Variants in GABRB1 observed in about 807,000 individuals in gnomAD.
GABRB1 encodes gamma-aminobutyric acid receptor subunit beta-1.
Under a neutral mutation model 51.6 loss-of-function variants are expected in GABRB1, and 17 were observed. That is an observed-to-expected ratio of 0.33 (90% CI 0.23 to 0.49). GABRB1 has a LOEUF of 0.49. Among genes scored for constraint, GABRB1 ranks in the 20% least tolerant of loss-of-function variants. The pLI is 0.99. For missense variants in GABRB1, 410 were observed against 600.6 expected, an observed-to-expected ratio of 0.68 and a Z score of 3.32; for synonymous variants, 247 against 218.9, an observed-to-expected ratio of 1.13 and a Z score of -1.14.
intron 4 of GABRB1, among the ~76,000 whole-genome samples, chr4:47,240,580 A>G (rs1721483683): frequency 6.6e-6 from 1 of 152,232 alleles, no homozygotes; most frequent in African/African-American, 2.4e-5. Flanking sequence ...TTAATACACG[A>G]AGATATTTCT....
In GABRB1 at chr4:47,141,678, C is replaced by T. The variant is rs1374306879; in HGVS notation, c.241-19571C>T. ...AACATTTCTCAGAAACACTTGATATCTTTATTAATTACATTTAAGCTAGCA... is the reference window on the plus strand; with the variant it reads ...AACATTTCTCAGAAACACTTGATATTTTTATTAATTACATTTAAGCTAGCA... On this transcript the variant is annotated intron_variant, in intron 3 of 8. Transcript: ENST00000295454. Among the ~76,000 whole-genome samples, 9 of 151,964 alleles carry T rather than the reference C, an allele frequency of 5.9e-5. No homozygotes were observed. In the East Asian group the frequency reaches 1.7e-3, roughly 29 times the overall value.
At chr4:47,328,727 T>A (rs887852067) in intron 5 of GABRB1, among the ~76,000 whole-genome samples, 2 of 149,538 alleles carry the variant, frequency 1.3e-5, no homozygotes, top group African/African-American at 4.9e-5. Context: ...TGAGAACACA[T>A]GGACACAGGA....
intron 4 of GABRB1, among the ~76,000 whole-genome samples, chr4:47,263,291 T>C (rs534833515): frequency 6.6e-6 from 1 of 152,190 alleles, no homozygotes; most frequent in Admixed American, 6.6e-5. Context: ...GCATGAAATA[T>C]AGATAGATTT....
At chr4:47,398,032 G>A (rs1728238763) in intron 5 of GABRB1, among the ~76,000 whole-genome samples, 1 of 152,000 alleles carries the variant, frequency 6.6e-6, no homozygotes. Context: ...AATATGCTAT[G>A]CCTTTTATTT....
At chr4:47,174,267 T>C (rs1420455228) in intron 4 of GABRB1, among the ~76,000 whole-genome samples, 1 of 152,084 alleles carries the variant, frequency 6.6e-6, no homozygotes, top group Non-Finnish European at 1.5e-5. Context: ...GTGTTCTTCC[T>C]ATATTGCCCA....
intron 4 of GABRB1, among the ~76,000 whole-genome samples, chr4:47,190,794 G>A (rs1350759898): frequency 6.6e-6 from 1 of 152,082 alleles, no homozygotes; most frequent in Admixed American, 6.6e-5. Flanking sequence ...GTAGATTTGG[G>A]TGGGGCCTGA....
At chr4:47,060,097 C>A (rs1294417212) in intron 3 of GABRB1, among the ~76,000 whole-genome samples, 1 of 152,150 alleles carries the variant, frequency 6.6e-6, no homozygotes, top group Non-Finnish European at 1.5e-5. Context: ...GGGGCACACA[C>A]CTTAGGAAAT....
intron 5 of GABRB1, among the ~76,000 whole-genome samples, chr4:47,375,841 G>A (rs1727356506): frequency 6.6e-6 from 1 of 152,214 alleles, no homozygotes; most frequent in African/African-American, 2.4e-5. Flanking sequence ...ATGTGCAGAA[G>A]AAAGAATCAA....
intron 3 of GABRB1, among the ~76,000 whole-genome samples, chr4:47,138,191 T>TGCCCA (rs989197363): frequency 3.3e-5 from 5 of 152,180 alleles, no homozygotes; most frequent in Admixed American, 1.3e-4. Flanking sequence ...GTAGCAAATT[T>TGCCCA]GCCCATTTAG....
intron 3 of GABRB1, among the ~76,000 whole-genome samples, chr4:47,086,545 A>G (rs993236093): frequency 3.3e-5 from 5 of 152,246 alleles, no homozygotes; most frequent in Non-Finnish European, 5.9e-5. Context: ...ACTTCAATTA[A>G]TCTGAACTTA....
intron 5 of GABRB1, among the ~76,000 whole-genome samples, chr4:47,396,264 T>C (rs1166576886): frequency 6.6e-6 from 1 of 151,982 alleles, no homozygotes; most frequent in Non-Finnish European, 1.5e-5. Context: ...TATCAAACCA[T>C]CAGATCTCGT....
intron 5 of GABRB1, among the ~76,000 whole-genome samples, chr4:47,396,755 T>C (rs899401959): frequency 2.6e-5 from 4 of 152,144 alleles, no homozygotes; most frequent in African/African-American, 9.7e-5. Flanking sequence ...CAAACTGCAT[T>C]CCATTTGGGT....
intron 5 of GABRB1, among the ~76,000 whole-genome samples, chr4:47,354,260 G>A (rs1405920054): frequency 6.6e-6 from 1 of 152,158 alleles, no homozygotes; most frequent in Non-Finnish European, 1.5e-5. Context: ...TAATATTAAT[G>A]TGTAATAGAT....
At position 47,426,027 on chromosome 4, in the gene GABRB1, C is replaced by A; in HGVS notation, c.*9C>A. On this transcript the variant is annotated 3_prime_UTR_variant, in exon 9 of 9. Coordinates refer to ENST00000295454, the MANE Select transcript of GABRB1 (RefSeq NM_000812.4). The stretch of plus-strand genomic sequence containing the variant: ...TTTACTATGTACACTGAGGTCTGTT[C>A]TAATGGTTCCATTTAGACTACTTTC... 4.5e-6 allele frequency: 7 copies of A among 1,542,560 alleles called. No homozygotes were observed. Among genetic ancestry groups the A allele is most frequent in the Non-Finnish European group, 5.3e-6 (6 of 1,140,956 alleles).
At chr4:47,299,426 G>T (rs371952618) in intron 4 of GABRB1, among the ~76,000 whole-genome samples, 3 of 152,036 alleles carry the variant, frequency 2.0e-5, no homozygotes, top group African/African-American at 7.2e-5. Flanking sequence ...AAAAGTGGGC[G>T]AAGGACATGA....
At chr4:47,416,761 C>CT (rs1254482443) in intron 8 of GABRB1, among the ~76,000 whole-genome samples, 5 of 151,410 alleles carry the variant, frequency 3.3e-5, no homozygotes, top group East Asian at 1.9e-4. Context: ...CTGTTTTGCA[C>CT]TTTTTTTTTC....
At chr4:47,039,176 T>C (rs550776956) in intron 3 of GABRB1, among the ~76,000 whole-genome samples, 1 of 152,080 alleles carries the variant, frequency 6.6e-6, no homozygotes, top group East Asian at 1.9e-4. Context: ...TTATCTTTAG[T>C]GAGCCCAGTT....
rs186461742 is a variant in GABRB1, at chr4:47,372,722, C to T, written c.545-30596C>T. ...GTGATTATAATCCAGTGCCAGATGT[C>T]GATGCTTCCCCAGCTAACAGTCTGG... On this transcript the variant is annotated intron_variant, in intron 5 of 8. Transcript: ENST00000295454. Among the ~76,000 whole-genome samples the T allele has an allele frequency of 5.9e-5, 9 of 152,180 alleles. No individual in the cohort carries two copies. In the East Asian group the frequency reaches 1.5e-3, roughly 26 times the overall value.
intron 5 of GABRB1, among the ~76,000 whole-genome samples, chr4:47,350,930 A>G (rs1363205666): frequency 3.3e-5 from 5 of 152,224 alleles, no homozygotes; most frequent in Non-Finnish European, 5.9e-5. Context: ...AGAGGCTTTC[A>G]CAGATAATTT....
Sources: allele counts gnomAD v4.1 joint callset (sites outside exome capture counted in the v4.1 genomes callset), GRCh38; gene constraint gnomAD v4.1.1; transcripts MANE v1.5; gene names NCBI Gene and HGNC (gene_info 2026-07-23, HGNC 2026-07-21).